The following ADH1A variants were observed in gnomAD, a reference collection of about 807,000 sequenced individuals.
ADH1A encodes alcohol dehydrogenase 1A (class I), alpha polypeptide, also known as alcohol dehydrogenase 1A.
ADH1A carries 29 observed loss-of-function variants against 35.2 expected under a neutral mutation model. The observed-to-expected ratio is 0.82, with a 90% CI of 0.61 to 1.12. ADH1A has a LOEUF of 1.12. Ranked by LOEUF, ADH1A falls within the 50% of genes most tolerant of loss-of-function variation. The probability of loss-of-function intolerance (pLI) is 0.00; values close to 1 mark genes in which losing one functional copy is unlikely to be tolerated. For missense variants in ADH1A, 469 were observed against 464.7 expected, an observed-to-expected ratio of 1.01 and a Z score of -0.09; for synonymous variants, 147 against 164.8, an observed-to-expected ratio of 0.89 and a Z score of 0.83.
chr4:99,282,229 G>A, intron 6 of ADH1A, 117 bp downstream of exon 6: 1 of 1,584,902 alleles, frequency 6.3e-7, no homozygotes, highest in Middle Eastern at 1.7e-4. Flanking sequence ...AACAGATGAT[G>A]GGAAATTTCC....
chr4:99,289,035 C>T (rs913523352), intron 1 of ADH1A, among the ~76,000 whole-genome samples: 1 of 152,070 alleles, frequency 6.6e-6, no homozygotes, highest in Admixed American at 6.6e-5. Context: ...ATCCTCATAG[C>T]CTAACTCTCT....
At chr4:99,280,408 C>T in intron 6 of ADH1A, 129 bp from the exon 7 acceptor site, 1 of 1,462,648 alleles carries the variant, frequency 6.8e-7, no homozygotes, top group Non-Finnish European at 9.3e-7. Flanking sequence ...GTCTTTTGCT[C>T]CTTCAGTCCC....
chr4:99,285,790 A>C (rs1733136576), intron 3 of ADH1A, among the ~76,000 whole-genome samples: 1 of 152,092 alleles, frequency 6.6e-6, no homozygotes. Flanking sequence ...TGGGAGGCCG[A>C]GGCAGGCAGA....
chr4:99,276,451 T>C lies in ADH1A; in HGVS notation c.*173A>G. On this transcript the variant is annotated 3_prime_UTR_variant, in exon 9 of 9. Transcript: ENST00000209668. ...TTAGTTCTCATTTGGATTTTAAACA[T>C]TTGCTTGAAAAATAATTTTACATCA... 1.5e-6 allele frequency: 1 copy of C among 673,666 alleles called. No individual in the cohort carries two copies. Among genetic ancestry groups the C allele is most frequent in the Admixed American group, 2.9e-5 (1 of 34,898 alleles). The allele number at this position is 673,666 out of a possible 1,614,324, so 41.7% of individuals were successfully genotyped here.
intron 4 of ADH1A, 44 bp from the exon 5 acceptor site, chr4:99,284,662 C>A (rs28364312): frequency 0.34 from 549,737 of 1,612,696 alleles, 102,052 homozygotes; most frequent in Non-Finnish European, 0.38. Context: ...TGAGACAGGA[C>A]CATAACTAAT....
chr4:99,289,181 G>T (rs1197326460), intron 1 of ADH1A, among the ~76,000 whole-genome samples: 3 of 152,154 alleles, frequency 2.0e-5, no homozygotes, highest in South Asian at 2.1e-4. Flanking sequence ...GTATTCCATG[G>T]TATATGCACA....
At position 99,287,580 on chromosome 4, in the gene ADH1A, T is replaced by G; in HGVS notation, c.104A>C (p.His35Pro). Residue 35 changes from histidine to proline, a missense_variant, in exon 2 of 9, where the codon CAT (histidine) becomes CCT (proline). By Grantham distance (77) the His-to-Pro change is moderately conservative. Coordinates refer to ENST00000209668, the MANE Select transcript of ADH1A (RefSeq NM_000667.4). ...EEVEVAPPKA[H>P]EVRIKMVAVG... ...GTATTTCACCTTAATACGAACTTCA[T>G]GGGCCTTAGGAGGTGCAACCTCCAC... 1 of 1,613,246 alleles carries G rather than the reference T, an allele frequency of 6.2e-7. No individual in the cohort carries two copies. Among genetic ancestry groups the G allele is most frequent in the South Asian group, 1.1e-5 (1 of 90,950 alleles).
intron 8 of ADH1A, among the ~76,000 whole-genome samples, chr4:99,276,915 CATT>C (rs1296092694): frequency 1.9e-4 from 29 of 152,242 alleles, no homozygotes; most frequent in African/African-American, 6.3e-4. Context: ...TTCAAAAAAT[CATT>C]GTTGTGTGCC....
intron 1 of ADH1A, chr4:99,288,540 T>C (rs1490625788): frequency 6.6e-6 from 1 of 152,216 alleles, no homozygotes; most frequent in Admixed American, 6.5e-5. Flanking sequence ...GTTAAGCATG[T>C]ACAATTCACA....
chr4:99,279,363 T>G (rs1732941094), intron 8 of ADH1A, 63 bp downstream of exon 8: 11 of 1,522,726 alleles, frequency 7.2e-6, no homozygotes, highest in Middle Eastern at 1.8e-4. Context: ...CTTTTCATTT[T>G]CTGCTAGACA....
chr4:99,279,421 T>C lies in ADH1A; in HGVS notation c.1103+5A>G, dbSNP rs1179951685. 1 of 1,586,132 alleles carries C rather than the reference T, an allele frequency of 6.3e-7. No individual in the cohort carries two copies. Among genetic ancestry groups the C allele is most frequent in the Non-Finnish European group, 8.5e-7 (1 of 1,172,534 alleles). On this transcript the variant is annotated splice_donor_5th_base_variant and intron_variant, in intron 8 of 8. Coordinates refer to ENST00000209668, the MANE Select transcript of ADH1A (RefSeq NM_000667.4). ...GCAAAACAGAAAACTAACTAAAAAA[T>C]CTACCTTTTCCCAGAGTGAAGCAGG...
At chr4:99,289,089 T>C (rs1246347352) in intron 1 of ADH1A, among the ~76,000 whole-genome samples, 2 of 152,234 alleles carry the variant, frequency 1.3e-5, no homozygotes, top group African/African-American at 4.8e-5. Flanking sequence ...CATTTCTGAA[T>C]TACTTAGAAT....
At chr4:99,284,897 CAT>C (rs55928986) in intron 3 of ADH1A, 94 bp from the exon 4 acceptor site, 30 of 1,114,116 alleles carry the variant, frequency 2.7e-5, no homozygotes, top group African/African-American at 7.9e-5. Context: ...ACATTAGAAA[CAT>C]GTGTCTTTAA....
chr4:99,281,701 T>A (rs1733005348), intron 6 of ADH1A: 2 of 157,480 alleles, frequency 1.3e-5, no homozygotes, highest in Non-Finnish European at 2.8e-5. Flanking sequence ...CTATAAACAA[T>A]GCCATGAGTA....
At chr4:99,286,668 G>C in intron 3 of ADH1A, 182 bp downstream of exon 3, 2 of 971,548 alleles carry the variant, frequency 2.1e-6, no homozygotes, top group Non-Finnish European at 3.0e-6. Context: ...GAATACATGC[G>C]TGCCTAAAGA....
chr4:99,282,028 A>G, intron 6 of ADH1A: 1 of 374,856 alleles, frequency 2.7e-6, no homozygotes, highest in Admixed American at 4.2e-5. Context: ...TTGAGAACAG[A>G]ACTTGTATTA....
Position 99,286,885 on chromosome 4 carries a change from T to C in ADH1A, c.224A>G (p.Glu75Gly), listed in dbSNP as rs1733164775. ...TGTAGTCACCCCTTCTCCAACACTC[T>C]CCACGATGCCGGCTGCCTCATGGCC... ...ILGHEAAGIV[E>G]SVGEGVTTVK... Residue 75 changes from glutamate to glycine, a missense_variant, in exon 3 of 9, where the codon GAG (glutamate) becomes GGG (glycine). Coordinates refer to ENST00000209668, the MANE Select transcript of ADH1A (RefSeq NM_000667.4). 6.2e-7 allele frequency: 1 copy of C among 1,614,162 alleles called. No individual in the cohort carries two copies. Among genetic ancestry groups the C allele is most frequent in the Non-Finnish European group, 8.5e-7 (1 of 1,180,028 alleles).
At chr4:99,281,931 TA>T (rs1733014253) in intron 6 of ADH1A, 2 of 202,690 alleles carry the variant, frequency 9.9e-6, no homozygotes, top group South Asian at 8.9e-5. Flanking sequence ...CTAATATGTT[TA>T]AAAAAATTGG....
chr4:99,282,094 A>G (rs1733020156), intron 6 of ADH1A: 5 of 608,514 alleles, frequency 8.2e-6, no homozygotes, highest in Non-Finnish European at 1.1e-5. Context: ...GTAATCTATT[A>G]TCACTCAGTT....
Sources: gnomAD v4.1 joint callset for allele counts (sites outside exome capture counted in the v4.1 genomes callset) on GRCh38, gnomAD v4.1.1 for gene constraint, MANE v1.5 for transcripts, NCBI Gene and HGNC (gene_info 2026-07-23, HGNC 2026-07-21) for gene names.